Variants in ETV6 observed in about 807,000 individuals in gnomAD.
ETV6 encodes transcription factor ETV6.
Under a neutral mutation model 51.1 loss-of-function variants are expected in ETV6, and 16 were observed. The ratio of observed to expected loss-of-function variants is 0.31; its 90% CI spans 0.21 to 0.48. The LOEUF (loss-of-function observed/expected upper bound fraction) is 0.48, where lower values mean the gene tolerates loss of function less well. Ranked by LOEUF, ETV6 falls within the 20% of genes least tolerant of loss-of-function variation. The pLI is 0.99. For missense variants in ETV6, 458 were observed against 594.8 expected, an observed-to-expected ratio of 0.77 and a Z score of 2.39; for synonymous variants, 240 against 224.1, an observed-to-expected ratio of 1.07 and a Z score of -0.64.
At chr12:11,663,458 G>A (rs931184816) in intron 1 of ETV6, among the ~76,000 whole-genome samples, 2 of 152,152 alleles carry the variant, frequency 1.3e-5, no homozygotes, top group South Asian at 2.1e-4. Flanking sequence ...CACATGTATC[G>A]CATGCTCATG....
chr12:11,702,358 T>C (rs560588932), intron 1 of ETV6, among the ~76,000 whole-genome samples: 1 of 152,316 alleles, frequency 6.6e-6, no homozygotes, highest in South Asian at 2.1e-4. Flanking sequence ...ATTTCTCCGA[T>C]CTTATTATAC....
chr12:11,678,132 A>T (rs1864455766), intron 1 of ETV6, among the ~76,000 whole-genome samples: 1 of 152,342 alleles, frequency 6.6e-6, no homozygotes, highest in Admixed American at 6.5e-5. Context: ...ATGGATGGCC[A>T]GGTACCATGC....
At chr12:11,729,537 T>C (rs931581181) in intron 1 of ETV6, among the ~76,000 whole-genome samples, 1 of 152,194 alleles carries the variant, frequency 6.6e-6, no homozygotes, top group African/African-American at 2.4e-5. Context: ...GGAAAGGAGA[T>C]GTGACAGGAA....
chr12:11,758,856 T>C (rs1945041944), intron 2 of ETV6, among the ~76,000 whole-genome samples: 1 of 152,228 alleles, frequency 6.6e-6, no homozygotes, highest in Non-Finnish European at 1.5e-5. Flanking sequence ...GACCAGCCAC[T>C]AGCATTTTCT....
intron 2 of ETV6, among the ~76,000 whole-genome samples, chr12:11,813,395 GC>G (rs2136423479): frequency 6.6e-6 from 1 of 152,324 alleles, no homozygotes; most frequent in African/African-American, 2.4e-5. Flanking sequence ...CCCAGCTCTT[GC>G]CTTTTCAGTA....
At chr12:11,832,990 T>C (rs1044915019) in intron 2 of ETV6, among the ~76,000 whole-genome samples, 19 of 152,192 alleles carry the variant, frequency 1.2e-4, no homozygotes, top group Non-Finnish European at 1.5e-5. Flanking sequence ...TTACAGAGTA[T>C]AGATGCTAGA....
intron 3 of ETV6, among the ~76,000 whole-genome samples, chr12:11,851,937 G>A (rs1175368165): frequency 6.6e-6 from 1 of 152,104 alleles, no homozygotes; most frequent in Non-Finnish European, 1.5e-5. Context: ...AAATAATACA[G>A]CAATATCTTC....
At chr12:11,650,343 C>G (rs1412966803) in intron 1 of ETV6, among the ~76,000 whole-genome samples, 183 bp downstream of exon 1, 1 of 59,528 alleles carries the variant, frequency 1.7e-5, no homozygotes, top group Admixed American at 2.4e-4. Context: ...AACCTTGCTA[C>G]TCCCCCCCAC....
At chr12:11,754,097 G>A (rs918997630) in intron 2 of ETV6, among the ~76,000 whole-genome samples, 20 of 152,194 alleles carry the variant, frequency 1.3e-4, no homozygotes, top group African/African-American at 3.4e-4. Context: ...TCCTGTGACC[G>A]ATATATTCAC....
chr12:11,760,880 G>GTA (rs753337760), intron 2 of ETV6, among the ~76,000 whole-genome samples: 4 of 24,942 alleles, frequency 1.6e-4, no homozygotes, highest in Non-Finnish European at 5.1e-4. Flanking sequence ...TTATATATAT[G>GTA]TGTGTGTGTG....
chr12:11,777,198 C>A (rs181427347), intron 2 of ETV6, among the ~76,000 whole-genome samples: 1 of 144,866 alleles, frequency 6.9e-6, no homozygotes, highest in Non-Finnish European at 1.5e-5. Context: ...CGAGATAGCG[C>A]CACTGCACTC....
At chr12:11,837,752 C>T (rs1946336831) in intron 2 of ETV6, among the ~76,000 whole-genome samples, 1 of 152,186 alleles carries the variant, frequency 6.6e-6, no homozygotes, top group Non-Finnish European at 1.5e-5. Flanking sequence ...TCTGTTTGAG[C>T]TATTGATTCA....
chr12:11,843,588 A>G (rs1946419850), intron 3 of ETV6, among the ~76,000 whole-genome samples: 1 of 152,190 alleles, frequency 6.6e-6, no homozygotes, highest in Admixed American at 6.5e-5. Flanking sequence ...TGCTCTCTAT[A>G]TATGGAAACA....
chr12:11,727,843 G>A (rs1387239991), intron 1 of ETV6, among the ~76,000 whole-genome samples: 2 of 151,814 alleles, frequency 1.3e-5, no homozygotes, highest in African/African-American at 2.4e-5. Flanking sequence ...ACTTTGAGAC[G>A]GAGTCTCTCT....
chr12:11,679,722 A>G (rs1864490555), intron 1 of ETV6, among the ~76,000 whole-genome samples: 1 of 152,208 alleles, frequency 6.6e-6, no homozygotes, highest in Non-Finnish European at 1.5e-5. Context: ...ATTATTTGTA[A>G]CATTTGATGA....
At chr12:11,822,239 G>A (rs971044300) in intron 2 of ETV6, among the ~76,000 whole-genome samples, 2 of 152,218 alleles carry the variant, frequency 1.3e-5, no homozygotes, top group African/African-American at 4.8e-5. Context: ...TGGACAAAAT[G>A]AGTGCTCAGC....
chr12:11,690,145 G>C (rs550247524), intron 1 of ETV6, among the ~76,000 whole-genome samples: 1 of 151,650 alleles, frequency 6.6e-6, no homozygotes, highest in Non-Finnish European at 1.5e-5. Context: ...GAAAGAGGTG[G>C]CTCGCAGACT....
chr12:11,729,421 G>A (rs190085180), intron 1 of ETV6, among the ~76,000 whole-genome samples: 109 of 152,138 alleles, frequency 7.2e-4, no homozygotes, highest in South Asian at 5.0e-3. Context: ...GGGATCAGGT[G>A]GGGGGGACTG....
At chr12:11,738,480 A>AT (rs1374561010) in intron 1 of ETV6, among the ~76,000 whole-genome samples, 2 of 150,588 alleles carry the variant, frequency 1.3e-5, no homozygotes, top group African/African-American at 4.9e-5. Context: ...CTAATTTTTA[A>AT]TTTTTTTTAA....
Sources: gnomAD v4.1 joint callset for allele counts (sites outside exome capture counted in the v4.1 genomes callset) on GRCh38, gnomAD v4.1.1 for gene constraint, MANE v1.5 for transcripts, NCBI Gene and HGNC (gene_info 2026-07-23, HGNC 2026-07-21) for gene names.